The following FLT1 variants were observed in gnomAD, a reference collection of about 807,000 sequenced individuals.
The protein encoded by FLT1 is fms related receptor tyrosine kinase 1, also known as vascular endothelial growth factor receptor 1.
FLT1 carries 49 observed loss-of-function variants against 156.3 expected under a neutral mutation model. That is an observed-to-expected ratio of 0.31 (90% confidence interval 0.25 to 0.40). FLT1 has a LOEUF of 0.40. Ranked by LOEUF, FLT1 falls within the 10% of genes least tolerant of loss-of-function variation. FLT1 has a pLI of 1.00. For missense variants in FLT1, 1,322 were observed against 1,637.2 expected (o/e 0.81, Z 3.32); for synonymous variants, 594 against 583.8 (o/e 1.02, Z -0.25).
intron 1 of FLT1, among the ~76,000 whole-genome samples, chr13:28,479,523 C>A (rs1186460838): frequency 1.3e-5 from 2 of 152,102 alleles, no homozygotes; most frequent in African/African-American, 2.4e-5. Flanking sequence ...TTAAAAAAAT[C>A]TTATCTTAGA....
At chr13:28,392,277 C>A (rs1874781581) in intron 12 of FLT1, among the ~76,000 whole-genome samples, 1 of 152,182 alleles carries the variant, frequency 6.6e-6, no homozygotes, top group South Asian at 2.1e-4. Context: ...AAATGAAAAT[C>A]TAAGAATGTG....
intron 15 of FLT1, among the ~76,000 whole-genome samples, chr13:28,352,905 G>C (rs1251944962): frequency 6.6e-6 from 1 of 152,170 alleles, no homozygotes; most frequent in Non-Finnish European, 1.5e-5. Context: ...TCAAAATGGA[G>C]AACTGAAAAC....
At chr13:28,389,435 A>G (rs1175057624) in intron 13 of FLT1, 1 of 1,286,032 alleles carries the variant, frequency 7.8e-7, no homozygotes, top group Non-Finnish European at 9.8e-7. Context: ...GTTGTTGTTT[A>G]TCAGGCAGGA....
chr13:28,494,465 A>C (rs1253980638), intron 1 of FLT1, among the ~76,000 whole-genome samples: 1 of 152,088 alleles, frequency 6.6e-6, no homozygotes, highest in Non-Finnish European at 1.5e-5. Flanking sequence ...GGGCCTCGGC[A>C]GTGAGACCCC....
chr13:28,313,604 C>CA (rs1159034305), intron 25 of FLT1, among the ~76,000 whole-genome samples: 2 of 152,122 alleles, frequency 1.3e-5, no homozygotes, highest in East Asian at 3.9e-4. Context: ...TCGCCTACCA[C>CA]AGGGCAATAA....
intron 10 of FLT1, among the ~76,000 whole-genome samples, chr13:28,426,311 A>G (rs193077547): frequency 2.4e-4 from 37 of 152,298 alleles, no homozygotes; most frequent in Admixed American, 7.8e-4. Context: ...TATCCTTAGT[A>G]TCATCCCTCT....
chr13:28,487,530 G>A (rs527486150), intron 1 of FLT1, among the ~76,000 whole-genome samples: 2 of 152,204 alleles, frequency 1.3e-5, no homozygotes, highest in South Asian at 4.2e-4. Flanking sequence ...ACCAGGCTGA[G>A]AAAAAGTGCC....
intron 15 of FLT1, among the ~76,000 whole-genome samples, chr13:28,351,380 C>T (rs968837829): frequency 1.3e-5 from 2 of 152,172 alleles, no homozygotes; most frequent in Non-Finnish European, 1.5e-5. Context: ...TAGGTATGAA[C>T]GAGAAGAAAA....
intron 16 of FLT1, among the ~76,000 whole-genome samples, chr13:28,345,186 A>C (rs141305050): frequency 2.0e-3 from 309 of 152,230 alleles, no homozygotes; most frequent in Middle Eastern, 6.8e-3. Flanking sequence ...CTCTATTAAC[A>C]TATTTTGTAT....
chr13:28,442,355 TG>T (rs1878375717), intron 3 of FLT1, among the ~76,000 whole-genome samples: 1 of 152,222 alleles, frequency 6.6e-6, no homozygotes, highest in African/African-American at 2.4e-5. Flanking sequence ...CAAAGGACAC[TG>T]GCACAAAAAG....
At chr13:28,411,384 C>T (rs1370387765) in intron 10 of FLT1, among the ~76,000 whole-genome samples, 1 of 151,818 alleles carries the variant, frequency 6.6e-6, no homozygotes, top group Non-Finnish European at 1.5e-5. Flanking sequence ...GAAACCCTGT[C>T]TCTACTAAAA....
intron 3 of FLT1, among the ~76,000 whole-genome samples, chr13:28,447,300 T>C (rs1401717738): frequency 6.6e-6 from 1 of 151,716 alleles, no homozygotes; most frequent in African/African-American, 2.4e-5. Flanking sequence ...CACCTCAGCC[T>C]CCTGAGTAGC....
At chr13:28,471,937 ATC>A (rs1380839535) in intron 1 of FLT1, among the ~76,000 whole-genome samples, 1 of 152,228 alleles carries the variant, frequency 6.6e-6, no homozygotes, top group African/African-American at 2.4e-5. Context: ...AATGGGCTTT[ATC>A]CCATGCTACT....
At chr13:28,467,695 G>T in intron 1 of FLT1, 78 bp from the exon 2 acceptor site, 1 of 760,628 alleles carries the variant, frequency 1.3e-6, no homozygotes, top group Non-Finnish European at 2.2e-6. Context: ...CCATGAAGGT[G>T]AGTTTTTCAT....
At chr13:28,319,587 T>C (rs991868968) in intron 23 of FLT1, 53 bp from the exon 24 acceptor site, 8 of 1,035,396 alleles carry the variant, frequency 7.7e-6, no homozygotes. Flanking sequence ...CAAAGCACAT[T>C]CAACCCGAGT....
chr13:28,391,045 A>T (rs562068905), intron 12 of FLT1, among the ~76,000 whole-genome samples: 8 of 152,280 alleles, frequency 5.3e-5, no homozygotes, highest in Non-Finnish European at 8.8e-5. Context: ...GACTTCTTTT[A>T]TGGGGATGGT....
intron 15 of FLT1, among the ~76,000 whole-genome samples, chr13:28,354,822 TTA>T (rs1218820328): frequency 6.6e-6 from 1 of 152,002 alleles, no homozygotes; most frequent in East Asian, 1.9e-4. Context: ...ATATATTCCA[TTA>T]TATATGCCAT....
intron 11 of FLT1, among the ~76,000 whole-genome samples, chr13:28,405,250 G>A (rs1875714729): frequency 6.6e-6 from 1 of 152,178 alleles, no homozygotes; most frequent in African/African-American, 2.4e-5. Flanking sequence ...TAGATTGTGT[G>A]TGTTTGCATA....
chr13:28,387,591 A>G (rs1340676850), intron 13 of FLT1: 69 of 1,064,596 alleles, frequency 6.5e-5, no homozygotes, highest in Admixed American at 1.1e-4. Flanking sequence ...GAGATCTGCC[A>G]GGTCACATAA....
Sources: gnomAD v4.1 joint callset for allele counts (sites outside exome capture counted in the v4.1 genomes callset) on GRCh38, gnomAD v4.1.1 for gene constraint, MANE v1.5 for transcripts, NCBI Gene and HGNC (gene_info 2026-07-23, HGNC 2026-07-21) for gene names.